Variants in THRB observed in about 807,000 individuals in gnomAD.
THRB encodes thyroid hormone receptor beta, also known as nuclear receptor subfamily 1 group A member 2.
A neutral mutation model predicts 47.8 loss-of-function variants in THRB; 12 were observed. The observed-to-expected ratio is 0.25, with a 90% confidence interval of 0.16 to 0.41. The LOEUF is 0.41. Ranked by LOEUF, THRB falls within the 10% of genes least tolerant of loss-of-function variation. THRB has a pLI of 1.00. For missense variants in THRB, 348 were observed against 589.2 expected (o/e 0.59, Z 4.24); for synonymous variants, 218 against 212.2 (o/e 1.03, Z -0.24).
chr3:24,402,424 G>A (rs1215952568), intron 1 of THRB, among the ~76,000 whole-genome samples: 1 of 150,354 alleles, frequency 6.7e-6, no homozygotes, highest in Non-Finnish European at 1.5e-5. Context: ...GGGAACTGCT[G>A]TTCTACTTTT....
intron 8 of THRB, among the ~76,000 whole-genome samples, chr3:24,139,307 C>T (rs2035116041): frequency 6.6e-6 from 1 of 152,102 alleles, no homozygotes; most frequent in Non-Finnish European, 1.5e-5. Context: ...CTAATTTTCT[C>T]AGACCCAAAT....
intron 3 of THRB, among the ~76,000 whole-genome samples, chr3:24,266,249 C>T (rs1037301553): frequency 2.6e-5 from 4 of 152,068 alleles, no homozygotes; most frequent in Non-Finnish European, 5.9e-5. Flanking sequence ...CAAAGTGTTG[C>T]CAGGAGCCAC....
intron 4 of THRB, among the ~76,000 whole-genome samples, chr3:24,193,990 T>C (rs1360978670): frequency 1.3e-5 from 2 of 152,224 alleles, no homozygotes; most frequent in Admixed American, 6.5e-5. Flanking sequence ...TGGATGCAAG[T>C]GGAGACTATT....
chr3:24,288,135 C>A (rs567744651), intron 3 of THRB, among the ~76,000 whole-genome samples: 1 of 152,324 alleles, frequency 6.6e-6, no homozygotes, highest in South Asian at 2.1e-4. Context: ...GGCAAGTTTT[C>A]TACCAAGTGG....
rs60435781 is a variant in THRB at position 24,390,795 on chromosome 3, A to ATATAT, written c.-260-53425_-260-53424insATATA. ...CAATCTTTACTTTGTAAAAAAAAAA[A>ATATAT]AAATATATATATATATATAATATTA... On this transcript the variant is annotated intron_variant, in intron 1 of 10. Coordinates refer to ENST00000646209, the MANE Select transcript of THRB (RefSeq NM_001354712.2). Among the ~76,000 whole-genome samples, 363 of 59,144 alleles carry ATATAT rather than the reference A, an allele frequency of 6.1e-3. 1 individual carries two copies. The highest frequency in any genetic ancestry group is 0.022 in the South Asian group (47 of 2,184). The allele number at this position is 59,144 out of a possible 152,430, so 38.8% of individuals were successfully genotyped here.
At chr3:24,450,301 C>A (rs2072523477) in intron 1 of THRB, among the ~76,000 whole-genome samples, 1 of 152,134 alleles carries the variant, frequency 6.6e-6, no homozygotes, top group Non-Finnish European at 1.5e-5. Flanking sequence ...TGCAGAGAGG[C>A]AGGTAAATGG....
chr3:24,411,962 G>A (rs2068341686), intron 1 of THRB, among the ~76,000 whole-genome samples: 1 of 151,754 alleles, frequency 6.6e-6, no homozygotes, highest in South Asian at 2.1e-4. Flanking sequence ...AAGAGTTTGT[G>A]TCAAATCAAG....
intron 5 of THRB, among the ~76,000 whole-genome samples, chr3:24,173,996 C>T (rs973364600): frequency 6.6e-6 from 1 of 152,192 alleles, no homozygotes; most frequent in Non-Finnish European, 1.5e-5. Context: ...AATAGTCCTA[C>T]AGCAGCTATG....
Position 24,121,569 on chromosome 3 carries a change from T to C in THRB, c.*1315A>G, listed in dbSNP as rs2031695539. On this transcript the variant is annotated 3_prime_UTR_variant, in exon 11 of 11. Transcript: ENST00000646209. ...GCACAAGCTATTCTAGCATGGGCCG[T>C]TGGGGAGGCAGGTTGGGCAGGAAAG... 1 of 152,520 alleles carries C rather than the reference T, an allele frequency of 6.6e-6. No individual in the cohort carries two copies. The highest frequency in any genetic ancestry group is 1.5e-5 in the Non-Finnish European group (1 of 68,088). The allele number at this position is 152,520 out of a possible 1,614,324, so 9.4% of individuals were successfully genotyped here. A position where few individuals can be genotyped will look rare whatever the true frequency, so the allele number is the denominator to read the frequency against.
chr3:24,172,114 G>A (rs979533999), intron 5 of THRB, among the ~76,000 whole-genome samples: 2 of 152,158 alleles, frequency 1.3e-5, no homozygotes, highest in African/African-American at 2.4e-5. Context: ...ATAGAACCCT[G>A]TGTGTATCTT....
intron 8 of THRB, among the ~76,000 whole-genome samples, chr3:24,143,002 C>T (rs1404029092): frequency 6.6e-6 from 1 of 152,150 alleles, no homozygotes; most frequent in Non-Finnish European, 1.5e-5. Context: ...TCCCTCATTC[C>T]CATTGCCCTT....
At chr3:24,323,326 C>T (rs2058606020) in intron 2 of THRB, among the ~76,000 whole-genome samples, 1 of 152,010 alleles carries the variant, frequency 6.6e-6, no homozygotes, top group African/African-American at 2.4e-5. Flanking sequence ...AAGACAGGAG[C>T]TGTTAATGGC....
At chr3:24,356,486 G>C (rs1256013322) in intron 1 of THRB, among the ~76,000 whole-genome samples, 1 of 152,118 alleles carries the variant, frequency 6.6e-6, no homozygotes, top group Non-Finnish European at 1.5e-5. Context: ...AATCCAACAG[G>C]CTTCTTTCAT....
At chr3:24,455,441 G>T (rs2073080137) in intron 1 of THRB, 1 of 152,006 alleles carries the variant, frequency 6.6e-6, no homozygotes, top group Admixed American at 6.6e-5. Flanking sequence ...TCTTTTGTCA[G>T]CATCAGTGGG....
At chr3:24,155,193 T>C (rs1490805889) in intron 5 of THRB, among the ~76,000 whole-genome samples, 1 of 152,236 alleles carries the variant, frequency 6.6e-6, no homozygotes, top group African/African-American at 2.4e-5. Context: ...GTGACTGGAA[T>C]GGACTCCTTT....
chr3:24,238,164 G>A, intron 3 of THRB: 1 of 151,242 alleles, frequency 6.6e-6, no homozygotes, highest in African/African-American at 2.4e-5. Flanking sequence ...AACAACTTCA[G>A]CAGATGCCCC....
intron 5 of THRB, among the ~76,000 whole-genome samples, chr3:24,173,942 T>G (rs779435961): frequency 6.6e-6 from 1 of 152,196 alleles, no homozygotes; most frequent in South Asian, 2.1e-4. Context: ...GTGTGTCAGA[T>G]TCTGTGTTGG....
chr3:24,197,864 G>T (rs756612227), intron 4 of THRB, among the ~76,000 whole-genome samples: 4 of 152,246 alleles, frequency 2.6e-5, no homozygotes, highest in Non-Finnish European at 5.9e-5. Context: ...AGGGCAGCTA[G>T]ATGGCTTTAT....
chr3:24,163,411 T>C (rs1430647900), intron 5 of THRB, among the ~76,000 whole-genome samples: 1 of 152,110 alleles, frequency 6.6e-6, no homozygotes, highest in Non-Finnish European at 1.5e-5. Context: ...TAAGCAAATA[T>C]TCCCCAGTGT....
Sources: gnomAD v4.1 joint callset for allele counts (sites outside exome capture counted in the v4.1 genomes callset) on GRCh38, gnomAD v4.1.1 for gene constraint, MANE v1.5 for transcripts, NCBI Gene and HGNC (gene_info 2026-07-23, HGNC 2026-07-21) for gene names.